DOP1A: variants seen among roughly 807,000 people sequenced by gnomAD.
DOP1A encodes the protein protein DOP1A.
DOP1A carries 90 observed loss-of-function variants against 267.6 expected under a neutral mutation model. That is an observed-to-expected ratio of 0.34 (90% CI 0.28 to 0.40). The LOEUF is 0.40. Among genes scored for constraint, DOP1A ranks in the 10% least tolerant of loss-of-function variants. The pLI, the probability that DOP1A is intolerant of heterozygous loss-of-function variation, is 1.00. For synonymous variants in DOP1A, 932 were observed against 999.1 expected, an observed-to-expected ratio of 0.93 and a Z score of 1.27; for missense variants, 2,437 against 2,900.4, an observed-to-expected ratio of 0.84 and a Z score of 3.67.
chr6:83,159,389 T>C (rs573016972), intron 36 of DOP1A, among the ~76,000 whole-genome samples: 2 of 151,824 alleles, frequency 1.3e-5, no homozygotes, highest in South Asian at 4.2e-4. Context: ...TTCCCCCACC[T>C]CAGCCTCCTG....
chr6:83,147,229 T>G lies in DOP1A; in HGVS notation c.5677-7T>G. ...TTCACTACAAAATTGATTTCTTTTA[T>G]TTATAGAAACATCTTTCTTTGGAAG... On this transcript the variant is annotated splice_polypyrimidine_tract_variant and splice_region_variant and intron_variant, in intron 25 of 38. Transcript: ENST00000349129. 2 of 1,441,252 alleles carry G rather than the reference T, an allele frequency of 1.4e-6. No individual in the cohort carries two copies. Among genetic ancestry groups the G allele is most frequent in the Non-Finnish European group, 1.9e-6 (2 of 1,049,602 alleles). The allele number at this position is 1,441,252 out of a possible 1,614,324, so 89.3% of individuals were successfully genotyped here. A position where few individuals can be genotyped will look rare whatever the true frequency, so the allele number is the denominator to read the frequency against.
intron 1 of DOP1A, among the ~76,000 whole-genome samples, chr6:83,089,032 C>T (rs944267493): frequency 1.1e-4 from 17 of 152,138 alleles, no homozygotes; most frequent in African/African-American, 4.1e-4. Context: ...TACAATAATT[C>T]ATTAATTTAT....
chr6:83,097,699 A>T (rs1041621122), intron 3 of DOP1A, among the ~76,000 whole-genome samples: 1 of 152,012 alleles, frequency 6.6e-6, no homozygotes, highest in African/African-American at 2.4e-5. Context: ...CTGGCGCTTC[A>T]TTTTGACCTT....
downstream of DOP1A, chr6:83,171,308 T>A (rs560055307): frequency 6.6e-6 from 1 of 152,332 alleles, no homozygotes; most frequent in South Asian, 2.1e-4. Context: ...TTAATTTTTT[T>A]ATATCTATTT....
chr6:83,118,575 G>A (rs2128207964), intron 7 of DOP1A, among the ~76,000 whole-genome samples: 1 of 152,182 alleles, frequency 6.6e-6, no homozygotes, highest in Non-Finnish European at 1.5e-5. Flanking sequence ...ATTTTCTTGT[G>A]TCTGTCCCAT....
intron 17 of DOP1A, among the ~76,000 whole-genome samples, chr6:83,131,710 A>G (rs1436263780): frequency 1.3e-5 from 2 of 151,574 alleles, no homozygotes; most frequent in Non-Finnish European, 2.9e-5. Context: ...ATCTCTGCTC[A>G]CTACAACTTG....
chr6:83,106,548 G>A (rs887015081), intron 4 of DOP1A, among the ~76,000 whole-genome samples: 1 of 152,032 alleles, frequency 6.6e-6, no homozygotes, highest in Non-Finnish European at 1.5e-5. Context: ...AGTGGCTCAC[G>A]CCTGTAATCC....
Position 83,129,292 on chromosome 6 carries a change from G to C in DOP1A, c.2125G>C (p.Gly709Arg), listed in dbSNP as rs769327550. Residue 709 changes from glycine (G) to arginine (R), a missense_variant, in exon 16 of 39, where the codon GGG becomes CGG. This residue lies in a region of DOP1A where 498 missense variants were observed against 513.5 expected (regional missense o/e 0.97). Coordinates refer to ENST00000349129, the MANE Select transcript of DOP1A (RefSeq NM_015018.4). ...FSQSLATEHQ[G>R]DLGREQGETS... ...TCAGTCTTTGGCTACAGAACATCAA[G>C]GGGATCTTGGTCGAGAACAAGGAGA... 1 of 1,609,440 alleles carries C rather than the reference G, an allele frequency of 6.2e-7. No homozygotes were observed. The highest frequency in any genetic ancestry group is 1.1e-5 in the South Asian group (1 of 89,968).
rs939108587 is a variant in DOP1A at position 83,137,680 on chromosome 6, G to A, written c.3638G>A (p.Ser1213Asn). ...QSQNALLSNESSQFLSVSAEG... is the reference protein window; with the variant it reads ...QSQNALLSNENSQFLSVSAEG... ...CAGAATGCTTTGCTGAGTAATGAAA[G>A]TTCTCAGTTTCTGTCTGTGTCTGCA... The change falls in exon 21 of 39, where the codon AGT (serine) becomes AAT (asparagine). Residue 1213 changes from serine to asparagine, a missense_variant. This residue lies in a region of DOP1A where 878 missense variants were observed against 992.9 expected (regional missense o/e 0.88). Coordinates refer to ENST00000349129, the MANE Select transcript of DOP1A (RefSeq NM_015018.4). 1.9e-6 allele frequency: 3 copies of A among 1,613,590 alleles called. No individual in the cohort carries two copies. Among genetic ancestry groups the A allele is most frequent in the Non-Finnish European group, 2.5e-6 (3 of 1,179,770 alleles).
Position 83,118,931 on chromosome 6 carries a change from A to G in DOP1A, c.824A>G (p.His275Arg). 6.2e-7 allele frequency: 1 copy of G among 1,613,656 alleles called. No homozygotes were observed. Among genetic ancestry groups the G allele is most frequent in the Non-Finnish European group, 8.5e-7 (1 of 1,179,678 alleles). Residue 275 changes from histidine (H) to arginine (R), a missense_variant, in exon 8 of 39, where the codon CAT (histidine) becomes CGT (arginine). Physicochemically the swap from His to Arg is conservative, Grantham distance 29. Transcript: ENST00000349129. ...ATCAGGATCTTGTCAGCAGCCCTTCATGTAGTGCTAAGGAGGGATATGTCT... is the reference window on the plus strand; with the variant it reads ...ATCAGGATCTTGTCAGCAGCCCTTCGTGTAGTGCTAAGGAGGGATATGTCT... ...DMIRILSAALHVVLRRDMSLN... is the reference protein window; with the variant it reads ...DMIRILSAALRVVLRRDMSLN...
At chr6:83,169,414 G>C (rs1786589594), downstream of DOP1A, 1 of 1,441,264 alleles carries the variant, frequency 6.9e-7, no homozygotes, top group Non-Finnish European at 9.4e-7. Flanking sequence ...CTGGGGAAGA[G>C]AGGGGTGATT....
At position 83,147,268 on chromosome 6, in the gene DOP1A, GT is replaced by G; in HGVS notation, c.5714del (p.Phe1905SerfsTer13). On this transcript the variant is annotated frameshift_variant, in exon 26 of 39. Transcript: ENST00000349129. LOFTEE classifies it high-confidence loss of function. The part of the protein sequence containing the change: ...HLSLEVCMLQ[F>X]FYAYIQRIPV... ...TTTCTTTGGAAGTCTGCATGCTTCA[GT>G]TTTTCTATGCTTATATTCAAAGGTA... The G allele has an allele frequency of 1.3e-6, 2 of 1,500,034 alleles. No homozygotes were observed. The highest frequency in any genetic ancestry group is 1.8e-6 in the Non-Finnish European group (2 of 1,096,270). The allele number at this position is 1,500,034 out of a possible 1,614,324, so 92.9% of individuals were successfully genotyped here. A position where few individuals can be genotyped will look rare whatever the true frequency, so the allele number is the denominator to read the frequency against.
chr6:83,140,634 C>G (rs1779465247), intron 23 of DOP1A, among the ~76,000 whole-genome samples: 2 of 152,086 alleles, frequency 1.3e-5, no homozygotes, highest in African/African-American at 4.8e-5. Flanking sequence ...AACTATCACC[C>G]CAGTCCAATT....
intron 31 of DOP1A, 116 bp from the exon 32 acceptor site, chr6:83,153,778 C>A: frequency 8.2e-7 from 1 of 1,221,398 alleles, no homozygotes; most frequent in Non-Finnish European, 1.1e-6. Flanking sequence ...TCTTATGGTG[C>A]TTTCTATTTC....
intron 4 of DOP1A, among the ~76,000 whole-genome samples, chr6:83,105,356 C>CTTTTTTTTT (rs70987733): frequency 6.1e-5 from 4 of 65,942 alleles, no homozygotes; most frequent in Non-Finnish European, 8.4e-5. Flanking sequence ...GGATGTCTTT[C>CTTTTTTTTT]TTTTTTTTTT....
chr6:83,096,723 A>G lies in DOP1A; in HGVS notation c.-146-8A>G, dbSNP rs1019616725. On this transcript the variant is annotated splice_polypyrimidine_tract_variant and splice_region_variant and intron_variant, in intron 1 of 38. Transcript: ENST00000349129. ...CTAAATTTTCACAGTCATTTTTCCA[A>G]TTCCTAGGAAGGAACACACAAGTAG... 4.4e-5 allele frequency: 18 copies of G among 410,544 alleles called. No individual in the cohort carries two copies. Among genetic ancestry groups the G allele is most frequent in the Admixed American group, 1.7e-4 (4 of 23,992 alleles). 25.4% of individuals were successfully genotyped at this position (410,544 alleles called of 1,614,324 possible).
At position 83,153,542 on chromosome 6, in the gene DOP1A, A is replaced by G. The variant is rs758185479; in HGVS notation, c.6161A>G (p.Tyr2054Cys). 3.7e-6 allele frequency: 6 copies of G among 1,608,530 alleles called. No individual in the cohort carries two copies. The highest frequency in any genetic ancestry group is 4.2e-6 in the Non-Finnish European group (5 of 1,177,942). The change falls in exon 31 of 39, where the codon TAT becomes TGT. Residue 2054 changes from tyrosine (Y) to cysteine (C), a missense_variant. Tyr to Cys is a radical substitution (Grantham distance 194, BLOSUM62 -2). Transcript: ENST00000349129. ...GCTCATCTTTTGGATATGGTTTTCT[A>G]TAGTGATGAAAAGGAGCGGGTTATT... ...VLAHLLDMVF[Y>C]SDEKERVIPL...
In DOP1A at chr6:83,147,131, A is replaced by T. The variant is rs115990725; in HGVS notation, c.5677-105A>T. The T allele has an allele frequency of 4.4e-3, 2,082 of 467,918 alleles. 49 individuals are homozygous for T. Among genetic ancestry groups the T allele is most frequent in the African/African-American group, 0.036 (1,823 of 50,072 alleles). The allele number at this position is 467,918 out of a possible 1,614,324, so 29.0% of individuals were successfully genotyped here. ...AAAAATTGATGATTTTGTTCTTTCAATTTTTTTAATTAAAAATTGGCAGTA... is the reference window on the plus strand; with the variant it reads ...AAAAATTGATGATTTTGTTCTTTCATTTTTTTTAATTAAAAATTGGCAGTA... On this transcript the variant is annotated intron_variant, in intron 25 of 38. Transcript: ENST00000349129.
intron 5 of DOP1A, among the ~76,000 whole-genome samples, chr6:83,109,897 T>C (rs1028942392): frequency 1.4e-4 from 21 of 152,182 alleles, no homozygotes; most frequent in African/African-American, 5.1e-4. Flanking sequence ...AACTTAACAA[T>C]GAAGTGACTT....
Sources: gnomAD v4.1 joint callset for allele counts (sites outside exome capture counted in the v4.1 genomes callset) on GRCh38, gnomAD v4.1.1 for gene constraint, gnomAD v4.1.1 regional missense constraint, MANE v1.5 for transcripts, NCBI Gene and HGNC (gene_info 2026-07-23, HGNC 2026-07-21) for gene names.